Variants in SLC25A51 observed in about 807,000 individuals in gnomAD.
The protein encoded by SLC25A51 is solute carrier family 25 member 51.
In SLC25A51, 11 loss-of-function variants were observed where a neutral mutation model predicts 19.1. The ratio of observed to expected loss-of-function variants is 0.58; its 90% confidence interval spans 0.36 to 0.96. SLC25A51 has a LOEUF of 0.96. SLC25A51 is among the 40% of genes least tolerant of loss of function. The pLI is 0.01. For synonymous variants in SLC25A51, 105 were observed against 133.6 expected (o/e 0.79, Z 1.47); for missense variants, 201 against 365.4 (o/e 0.55, Z 3.67).
At chr9:37,877,813 G>T (rs960323948), downstream of SLC25A51, among the ~76,000 whole-genome samples, 2 of 152,092 alleles carry the variant, frequency 1.3e-5, no homozygotes, top group African/African-American at 4.8e-5. Flanking sequence ...TTTGAGACCA[G>T]CCTAGGCAAC....
chr9:37,877,606 G>A (rs1831278137), downstream of SLC25A51, among the ~76,000 whole-genome samples: 2 of 145,660 alleles, frequency 1.4e-5, no homozygotes, highest in Non-Finnish European at 3.0e-5. Context: ...GCCTAGGCTG[G>A]ACTTGAACTC....
chr9:37,888,999 T>C (rs1158360431), intron 2 of SLC25A51, among the ~76,000 whole-genome samples: 1 of 152,258 alleles, frequency 6.6e-6, no homozygotes, highest in Non-Finnish European at 1.5e-5. Context: ...TGTGTTAACA[T>C]GTAATGTGTT....
Position 37,888,093 on chromosome 9 carries a change from T to C in SLC25A51, c.458A>G (p.Lys153Arg). 1 of 1,613,968 alleles carries C rather than the reference T, an allele frequency of 6.2e-7. No homozygotes were observed. ...GAAAGCCTGGTAAGTGTTGGTAAAT[T>C]TGTCATGATGCTTGTGGTCTTGAAG... ...TLLQDHKHHD[K>R]FTNTYQAFKA... Residue 153 changes from lysine (K) to arginine (R), a missense_variant, in exon 3 of 3, where the codon AAA (lysine) becomes AGA (arginine). Lys to Arg is a conservative substitution (Grantham distance 26, BLOSUM62 2). Transcript: ENST00000242275.
At position 37,887,634 on chromosome 9, in the gene SLC25A51, A is replaced by T; in HGVS notation, c.*23T>A. The T allele has an allele frequency of 6.3e-7, 1 of 1,588,068 alleles. No individual in the cohort carries two copies. The highest frequency in any genetic ancestry group is 8.6e-7 in the Non-Finnish European group (1 of 1,169,454). On this transcript the variant is annotated 3_prime_UTR_variant, in exon 3 of 3. Transcript: ENST00000242275. ...CTTAGAAGGTCTATTCAGTTGATAA[A>T]TGGCACTTAACTGATGGTTTTTTCA... is the stretch of plus-strand genomic sequence containing the variant.
At chr9:37,892,044 AAAG>A in intron 2 of SLC25A51, among the ~76,000 whole-genome samples, 1 of 152,176 alleles carries the variant, frequency 6.6e-6, no homozygotes, top group Non-Finnish European at 1.5e-5. Flanking sequence ...TATTAAAAAT[AAAG>A]AAGTGTTTAA....
intron 2 of SLC25A51, among the ~76,000 whole-genome samples, chr9:37,894,197 CTG>C (rs1222240467): frequency 6.6e-6 from 1 of 151,946 alleles, no homozygotes; most frequent in Non-Finnish European, 1.5e-5. Context: ...TTGGAAAACT[CTG>C]TGGACAATTC....
chr9:37,904,067 C>T lies in SLC25A51; in HGVS notation c.-165+1G>A, dbSNP rs1831919932. The T allele has an allele frequency of 6.6e-6, 1 of 152,350 alleles. No individual in the cohort carries two copies. The highest frequency in any genetic ancestry group is 2.4e-5 in the African/African-American group (1 of 41,474). The allele number at this position is 152,350 out of a possible 1,614,324, so 9.4% of individuals were successfully genotyped here. ...CTTCCCCACGCTCGTCCCACACTCA[C>T]CCATCAGCGCCGGCGTCCCGCAGGA... On this transcript the variant is annotated splice_donor_variant, in intron 1 of 2. Coordinates refer to ENST00000242275, the MANE Select transcript of SLC25A51 (RefSeq NM_033412.4). LOFTEE classifies it low-confidence loss of function (5UTR_SPLICE).
downstream of SLC25A51, chr9:37,885,881 C>G (rs972915976): frequency 8.8e-6 from 14 of 1,591,838 alleles, no homozygotes; most frequent in Middle Eastern, 1.6e-4. Context: ...CGTGCAAACC[C>G]CCCCCTCCCC....
downstream of SLC25A51, chr9:37,886,356 C>T: frequency 1.2e-6 from 2 of 1,611,944 alleles, no homozygotes; most frequent in African/African-American, 2.7e-5. Context: ...ACCCCCACCA[C>T]AGTGTCAGAT....
At position 37,888,611 on chromosome 9, in the gene SLC25A51, A is replaced by G; in HGVS notation, c.-42-19T>C. 1 of 1,533,732 alleles carries G rather than the reference A, an allele frequency of 6.5e-7. No individual in the cohort carries two copies. Among genetic ancestry groups the G allele is most frequent in the Non-Finnish European group, 8.7e-7 (1 of 1,144,948 alleles). ...TTTTAACCTACAAATAATAAATGAC[A>G]ACGGGTAAACCCGTTTTATAGAGAG... On this transcript the variant is annotated intron_variant, in intron 2 of 2. Transcript: ENST00000242275.
intron 2 of SLC25A51, among the ~76,000 whole-genome samples, chr9:37,891,850 A>T (rs915772253): frequency 3.5e-5 from 5 of 144,168 alleles, no homozygotes; most frequent in African/African-American, 1.3e-4. Context: ...AAGAATGATA[A>T]AAAAAAAAAA....
intron 1 of SLC25A51, 142 bp downstream of exon 1, chr9:37,903,925 GC>G (rs928788155): frequency 1.3e-5 from 2 of 151,748 alleles, no homozygotes; most frequent in Admixed American, 1.3e-4. Context: ...CAGGGACCGG[GC>G]CAGGGCAGCC....
downstream of SLC25A51, chr9:37,878,497 G>T: frequency 5.1e-6 from 1 of 195,950 alleles, no homozygotes; most frequent in Non-Finnish European, 1.2e-5. Context: ...TGTTTTTCAA[G>T]GATGATGCCA....
chr9:37,894,446 C>T (rs1379281701), intron 2 of SLC25A51, among the ~76,000 whole-genome samples: 1 of 151,934 alleles, frequency 6.6e-6, no homozygotes, highest in Non-Finnish European at 1.5e-5. Flanking sequence ...CCTGCCTCAG[C>T]CTCCCGAGTA....
At chr9:37,892,896 T>C (rs141931593) in intron 2 of SLC25A51, among the ~76,000 whole-genome samples, 3,542 of 152,264 alleles carry the variant, frequency 0.023, 78 homozygotes, top group East Asian at 0.077. Context: ...CGCACCACCA[T>C]GCCCAGCTAG....
chr9:37,887,147 T>C (rs1284094320), downstream of SLC25A51, among the ~76,000 whole-genome samples: 1 of 152,034 alleles, frequency 6.6e-6, no homozygotes, highest in Non-Finnish European at 1.5e-5. Context: ...AAACCCCGTC[T>C]CTACTAAAAA....
downstream of SLC25A51, chr9:37,878,693 G>A (rs1242137680): frequency 6.5e-6 from 1 of 154,742 alleles, no homozygotes; most frequent in African/African-American, 2.4e-5. Context: ...TGGTGTTCAT[G>A]TGACCAGCAA....
chr9:37,878,725 T>G (rs554628092), downstream of SLC25A51: 31 of 154,926 alleles, frequency 2.0e-4, no homozygotes, highest in Non-Finnish European at 4.0e-4. Context: ...CTGATGTTAT[T>G]GATAATGACT....
rs1044327794 is a variant in SLC25A51 at position 37,880,321 on chromosome 9, A to T, written n.950T>A. Reference sequence around the variant, plus strand: ...AGACCACGTCTCAAAAAAAAAAAAAAAAATTATTGACAATATGAAGAATAG... The same window carrying T: ...AGACCACGTCTCAAAAAAAAAAAAATAAATTATTGACAATATGAAGAATAG... On this transcript the variant is annotated non_coding_transcript_exon_variant, in exon 4 of 4. Coordinates refer to the SLC25A51 transcript ENST00000496760. The T allele has an allele frequency of 2.0e-5, 3 of 152,324 alleles. No individual in the cohort carries two copies. In the South Asian group the frequency reaches 6.2e-4, roughly 32 times the overall value. The allele number at this position is 152,324 out of a possible 1,614,324, so 9.4% of individuals were successfully genotyped here.
Sources: gnomAD v4.1 joint callset for allele counts (sites outside exome capture counted in the v4.1 genomes callset) on GRCh38, gnomAD v4.1.1 for gene constraint, MANE v1.5 for transcripts, NCBI Gene and HGNC (gene_info 2026-07-23, HGNC 2026-07-21) for gene names.